The following PON1 variants were observed in gnomAD, a reference collection of about 807,000 sequenced individuals.
PON1 encodes the protein paraoxonase 1, also known as serum paraoxonase/arylesterase 1.
Under a neutral mutation model 39.2 loss-of-function variants are expected in PON1, and 37 were observed. That is an observed-to-expected ratio of 0.94 (90% CI 0.73 to 1.24). PON1 has a LOEUF of 1.24. Ranked by LOEUF, PON1 falls within the 50% of genes most tolerant of loss-of-function variation. The pLI is 0.00. For missense variants in PON1, 397 were observed against 413.5 expected (o/e 0.96, Z 0.35); for synonymous variants, 148 against 152.2 (o/e 0.97, Z 0.21).
chr7:95,299,221 T>C, intron 8 of PON1, 119 bp from the exon 9 acceptor site: 1 of 1,147,538 alleles, frequency 8.7e-7, no homozygotes, highest in East Asian at 2.4e-5. Context: ...ATAAATCCTA[T>C]TTTGTTCCAA....
chr7:95,308,559 A>T (rs868134310), intron 5 of PON1, among the ~76,000 whole-genome samples: 2 of 151,970 alleles, frequency 1.3e-5, no homozygotes, highest in African/African-American at 4.8e-5. Flanking sequence ...TAGAAATTAA[A>T]TTAAGCCAGA....
At chr7:95,300,906 A>G (rs1346225615) in intron 8 of PON1, among the ~76,000 whole-genome samples, 1 of 152,182 alleles carries the variant, frequency 6.6e-6, no homozygotes, top group Non-Finnish European at 1.5e-5. Flanking sequence ...TTGCCATTAA[A>G]CATGATCACA....
rs759642389 is a variant in PON1 at position 95,315,536 on chromosome 7, C to A, written c.202-46G>T. 6.9e-5 allele frequency: 110 copies of A among 1,589,296 alleles called. 1 individual carries two copies. Among genetic ancestry groups the A allele is most frequent in the Non-Finnish European group, 8.6e-7 (1 of 1,160,774 alleles). On this transcript the variant is annotated intron_variant, in intron 3 of 8. Transcript: ENST00000222381. ...AAAATCAAGCACAATACCAGTACTT[C>A]AAATGCTAATAGAGGCGCTGCATGG...
At chr7:95,315,542 C>T in intron 3 of PON1, 52 bp from the exon 4 acceptor site, 1 of 1,570,492 alleles carries the variant, frequency 6.4e-7, no homozygotes, top group Non-Finnish European at 8.7e-7. Flanking sequence ...ACTTCAAATG[C>T]TAATAGAGGC....
In PON1 at chr7:95,302,205, C is replaced by T; in HGVS notation, c.909G>A (p.Glu303=). Residue 303 remains glutamate, a splice_region_variant and synonymous_variant, in exon 8 of 9, where the codon GAG becomes GAA. Transcript: ENST00000222381. Reference sequence around the variant, plus strand: ...TATCTGGTTCATTTTTAAAACTTACCTCTGATGCAGGAGGATTCTCTGAGT... The same window carrying T: ...TATCTGGTTCATTTTTAAAACTTACTTCTGATGCAGGAGGATTCTCTGAGT... ...FYDSENPPAS[E]VLRIQNILTE... The T allele has an allele frequency of 1.3e-6, 2 of 1,590,302 alleles. No homozygotes were observed. Among genetic ancestry groups the T allele is most frequent in the East Asian group, 2.3e-5 (1 of 42,560 alleles).
intron 7 of PON1, among the ~76,000 whole-genome samples, chr7:95,305,190 A>C (rs151090211): frequency 5.1e-4 from 78 of 152,294 alleles, no homozygotes; most frequent in Admixed American, 2.5e-3. Context: ...AGGAACAGTC[A>C]TACAATTGGC....
chr7:95,299,556 C>T (rs1807370546), intron 8 of PON1, among the ~76,000 whole-genome samples: 1 of 152,040 alleles, frequency 6.6e-6, no homozygotes, highest in African/African-American at 2.4e-5. Flanking sequence ...GGCAGACCCA[C>T]CCTTAATCTG....
At chr7:95,322,202 T>C (rs1273188530) in intron 1 of PON1, among the ~76,000 whole-genome samples, 1 of 151,870 alleles carries the variant, frequency 6.6e-6, no homozygotes, top group African/African-American at 2.4e-5. Flanking sequence ...TATCACTCTA[T>C]ATTTTTGAGA....
chr7:95,306,332 T>C lies in PON1; in HGVS notation c.733A>G (p.Ile245Val), dbSNP rs1014278835. Residue 245 changes from isoleucine (I) to valine (V), a missense_variant, in exon 7 of 9, where the codon ATT becomes GTT. Transcript: ENST00000222381. ...TTAGCATGCTTTTCATACACATGAA[T>C]CTTATGAGCCAGCAACTCAGCTATA... ...VYIAELLAHK[I>V]HVYEKHANWT... is the part of the protein sequence containing the mutation. 1 of 1,613,026 alleles carries C rather than the reference T, an allele frequency of 6.2e-7. No homozygotes were observed. Among genetic ancestry groups the C allele is most frequent in the East Asian group, 2.2e-5 (1 of 44,856 alleles).
chr7:95,302,208 T>A lies in PON1; in HGVS notation c.906A>T (p.Ser302=). The change falls in exon 8 of 9, where the codon TCA becomes TCT. Residue 302 remains serine (S), a synonymous_variant. Coordinates refer to ENST00000222381, the MANE Select transcript of PON1 (RefSeq NM_000446.7). ...FFYDSENPPA[S]EVLRIQNILT... ...CTGGTTCATTTTTAAAACTTACCTC[T>A]GATGCAGGAGGATTCTCTGAGTCAT... 1 of 1,608,798 alleles carries A rather than the reference T, an allele frequency of 6.2e-7. No individual in the cohort carries two copies.
chr7:95,311,824 A>T (rs1242187886), intron 4 of PON1, among the ~76,000 whole-genome samples: 1 of 152,240 alleles, frequency 6.6e-6, no homozygotes, highest in Non-Finnish European at 1.5e-5. Context: ...ATTCTCAAGA[A>T]TGAGTATCAC....
Position 95,297,911 on chromosome 7 carries a change from T to C in PON1, c.*1033A>G, listed in dbSNP as rs934519539. 1 of 152,188 alleles carries C rather than the reference T, an allele frequency of 6.6e-6. No homozygotes were observed. Among genetic ancestry groups the C allele is most frequent in the South Asian group, 2.1e-4 (1 of 4,828 alleles). 9.4% of individuals were successfully genotyped at this position (152,188 alleles called of 1,614,324 possible). On this transcript the variant is annotated 3_prime_UTR_variant, in exon 9 of 9. Transcript: ENST00000222381. ...TCAGAAAAACAAATAAATGAAAATG[T>C]GTAACCTTTATATATCAGTTTCTAT... is the stretch of plus-strand genomic sequence containing the variant.
At chr7:95,308,836 C>A (rs1288877532) in intron 5 of PON1, among the ~76,000 whole-genome samples, 4 of 151,766 alleles carry the variant, frequency 2.6e-5, no homozygotes, top group Admixed American at 2.6e-4. Context: ...TGTCCATGAA[C>A]AAGAATGCTC....
chr7:95,316,118 T>A (rs1002489979), intron 3 of PON1, among the ~76,000 whole-genome samples: 2 of 152,184 alleles, frequency 1.3e-5, no homozygotes, highest in Non-Finnish European at 2.9e-5. Flanking sequence ...CAAAGGTTTT[T>A]AAATGGCTGG....
At position 95,315,305 on chromosome 7, in the gene PON1, A is replaced by T; in HGVS notation, c.370+17T>A. ...TTAAGTTTGGTTTTGGTTTTAATAA[A>T]TAGTAAATATTGTTACCTTCATCTG... On this transcript the variant is annotated intron_variant, in intron 4 of 8. Transcript: ENST00000222381. 1 of 1,604,990 alleles carries T rather than the reference A, an allele frequency of 6.2e-7. No homozygotes were observed. Among genetic ancestry groups the T allele is most frequent in the South Asian group, 1.1e-5 (1 of 90,676 alleles).
Position 95,318,359 on chromosome 7 carries a change from C to G in PON1, c.109G>C (p.Val37Leu), listed in dbSNP as rs987766326. Residue 37 changes from valine (V) to leucine (L), a missense_variant, in exon 2 of 9, where the codon GTA becomes CTA. Coordinates refer to ENST00000222381, the MANE Select transcript of PON1 (RefSeq NM_000446.7). Reference protein sequence around the residue: ...RLNALREVQPVELPNCNLVKG... With the variant: ...RLNALREVQPLELPNCNLVKG... Reference sequence around the variant, plus strand: ...ACTAAATTACAGTTAGGAAGTTCTACGGGTTGTACCTCTCGGAGAGCATTA... The same window carrying G: ...ACTAAATTACAGTTAGGAAGTTCTAGGGGTTGTACCTCTCGGAGAGCATTA... 1 of 1,610,218 alleles carries G rather than the reference C, an allele frequency of 6.2e-7. No homozygotes were observed. Among genetic ancestry groups the G allele is most frequent in the Non-Finnish European group, 8.5e-7 (1 of 1,176,554 alleles).
At position 95,324,520 on chromosome 7, in the gene PON1, G is replaced by T; in HGVS notation, c.-45C>A. On this transcript the variant is annotated 5_prime_UTR_variant, in exon 1 of 9. Coordinates refer to ENST00000222381, the MANE Select transcript of PON1 (RefSeq NM_000446.7). ...GATCGATGGGCGCAGACACCGACGGGCTAGGAGGCTCTGCCTGCCTGCAGC... is the reference window on the plus strand; with the variant it reads ...GATCGATGGGCGCAGACACCGACGGTCTAGGAGGCTCTGCCTGCCTGCAGC... 1 of 1,574,964 alleles carries T rather than the reference G, an allele frequency of 6.3e-7. No individual in the cohort carries two copies. Among genetic ancestry groups the T allele is most frequent in the Non-Finnish European group, 8.7e-7 (1 of 1,147,042 alleles).
intron 6 of PON1, among the ~76,000 whole-genome samples, chr7:95,306,893 G>C (rs997011396): frequency 6.6e-6 from 1 of 151,816 alleles, no homozygotes; most frequent in African/African-American, 2.4e-5. Context: ...CAAAGATCTG[G>C]GGTTAGTCTA....
Position 95,297,811 on chromosome 7 carries a change from G to GAAA in PON1, c.*1130_*1132dup, listed in dbSNP as rs3917581. The GAAA allele has an allele frequency of 1.3e-5, 2 of 151,932 alleles. No individual in the cohort carries two copies. Among genetic ancestry groups the GAAA allele is most frequent in the African/African-American group, 4.8e-5 (2 of 41,384 alleles). 9.4% of individuals were successfully genotyped at this position (151,932 alleles called of 1,614,324 possible). A position where few individuals can be genotyped will look rare whatever the true frequency, so the allele number is the denominator to read the frequency against. ...GGTCTCAAAAACAAAACAAAAACAA[G>GAAA]AAAAAAATTTGTTTCTAAAGTCACT... On this transcript the variant is annotated 3_prime_UTR_variant, in exon 9 of 9. Transcript: ENST00000222381.
Sources: gnomAD v4.1 joint callset for allele counts (sites outside exome capture counted in the v4.1 genomes callset) on GRCh38, gnomAD v4.1.1 for gene constraint, MANE v1.5 for transcripts, NCBI Gene and HGNC (gene_info 2026-07-23, HGNC 2026-07-21) for gene names.